THSD4: variants seen among roughly 807,000 people sequenced by gnomAD.
The protein encoded by THSD4 is thrombospondin type 1 domain containing 4.
In THSD4, 69 loss-of-function variants were observed where a neutral mutation model predicts 119.0. That is an observed-to-expected ratio of 0.58 (90% CI 0.48 to 0.71). The LOEUF is 0.71. THSD4 is among the 30% of genes least tolerant of loss of function. THSD4 has a pLI of 0.00. For synonymous variants in THSD4, 524 were observed against 540.4 expected, an observed-to-expected ratio of 0.97 and a Z score of 0.42; for missense variants, 1,393 against 1,391.1, an observed-to-expected ratio of 1.00 and a Z score of -0.02.
chr15:71,168,043 A>G (rs1188739040), intron 3 of THSD4, among the ~76,000 whole-genome samples: 1 of 152,258 alleles, frequency 6.6e-6, no homozygotes, highest in African/African-American at 2.4e-5. Flanking sequence ...AGTCGTCCTC[A>G]TGTTCCTGCA....
Position 71,181,279 on chromosome 15 carries a change from T to C in THSD4, c.99+26347T>C, listed in dbSNP as rs368338666. 3.9e-5 allele frequency among the ~76,000 whole-genome samples: 6 copies of C among 152,312 alleles called. No individual in the cohort carries two copies. In the East Asian group the frequency reaches 1.2e-3, roughly 29 times the overall value. Reference sequence around the variant, plus strand: ...AAAATAAACTGGAGTAAAGAGACCTTATTAAGAAAAGAATTTCAGTGTTCA... The same window carrying C: ...AAAATAAACTGGAGTAAAGAGACCTCATTAAGAAAAGAATTTCAGTGTTCA... On this transcript the variant is annotated intron_variant, in intron 3 of 17. Transcript: ENST00000261862.
intron 3 of THSD4, among the ~76,000 whole-genome samples, chr15:71,214,211 C>T (rs1451036702): frequency 8.8e-5 from 13 of 146,902 alleles, no homozygotes; most frequent in South Asian, 2.1e-4. Context: ...AGGATGTGGG[C>T]GGGGACAAAT....
intron 7 of THSD4, among the ~76,000 whole-genome samples, chr15:71,568,568 C>CTTTTTTTTT (rs61430926): frequency 7.3e-6 from 1 of 137,866 alleles, no homozygotes; most frequent in Non-Finnish European, 1.5e-5. Context: ...CTCTTTTTCT[C>CTTTTTTTTT]TTTTTTTTTT....
chr15:71,291,733 G>C (rs982319881), intron 6 of THSD4, among the ~76,000 whole-genome samples: 1 of 152,232 alleles, frequency 6.6e-6, no homozygotes, highest in African/African-American at 2.4e-5. Flanking sequence ...CTATGACCCA[G>C]TGAAGTTGAC....
intron 7 of THSD4, among the ~76,000 whole-genome samples, chr15:71,548,753 G>A (rs2048879657): frequency 6.6e-6 from 1 of 152,170 alleles, no homozygotes; most frequent in Admixed American, 6.5e-5. Context: ...TTTCCCTGTT[G>A]ATTTTTTTCG....
At chr15:71,130,564 T>C (rs2040494157) in intron 1 of THSD4, among the ~76,000 whole-genome samples, 1 of 152,174 alleles carries the variant, frequency 6.6e-6, no homozygotes, top group Non-Finnish European at 1.5e-5. Flanking sequence ...ATCGTGCTGC[T>C]GCCACTTACT....
At chr15:71,169,411 G>A (rs889207772) in intron 3 of THSD4, among the ~76,000 whole-genome samples, 5 of 152,158 alleles carry the variant, frequency 3.3e-5, no homozygotes, top group African/African-American at 1.2e-4. Context: ...TCTGGCTACT[G>A]TATTCCTAGG....
intron 1 of THSD4, among the ~76,000 whole-genome samples, chr15:71,119,681 A>G (rs2040392776): frequency 6.6e-6 from 1 of 152,180 alleles, no homozygotes. Context: ...TCAGGGAGAA[A>G]GACCAGGGTG....
intron 10 of THSD4, among the ~76,000 whole-genome samples, chr15:71,735,493 GCTCTCTGTCTGTCC>G (rs2053067728): frequency 6.8e-6 from 1 of 146,016 alleles, no homozygotes. Flanking sequence ...TCTCTGTCTT[GCTCTCTGTCTGTCC>G]CTCTCTGTCT....
At chr15:71,547,551 C>G in intron 7 of THSD4, 24 of 1,512,268 alleles carry the variant, frequency 1.6e-5, no homozygotes, top group Non-Finnish European at 2.1e-5. Flanking sequence ...TTCTATCTAC[C>G]AAGAGGGATC....
At chr15:71,341,677 C>T (rs754422221) in intron 6 of THSD4, 21 of 1,454,388 alleles carry the variant, frequency 1.4e-5, no homozygotes, top group African/African-American at 8.4e-5. Flanking sequence ...TGCCTGATTT[C>T]GTGGGGTTCT....
chr15:71,747,191 C>T, intron 13 of THSD4, 149 bp downstream of exon 13: 1 of 866,236 alleles, frequency 1.2e-6, no homozygotes, highest in East Asian at 2.7e-5. Flanking sequence ...TTTTTGCAAA[C>T]CACAGGATGT....
chr15:71,135,975 T>G (rs1232073415), intron 1 of THSD4, among the ~76,000 whole-genome samples: 1 of 149,038 alleles, frequency 6.7e-6, no homozygotes, highest in Non-Finnish European at 1.5e-5. Flanking sequence ...AGTCCTTTGG[T>G]TTTTTGTTTA....
intron 6 of THSD4, among the ~76,000 whole-genome samples, chr15:71,299,049 C>T (rs917102293): frequency 3.9e-5 from 6 of 152,294 alleles, no homozygotes; most frequent in South Asian, 2.1e-4. Flanking sequence ...TAGTCTGAGT[C>T]GCCTTTATCT....
At chr15:71,466,893 A>G (rs1398226663) in intron 7 of THSD4, among the ~76,000 whole-genome samples, 2 of 152,168 alleles carry the variant, frequency 1.3e-5, no homozygotes, top group Non-Finnish European at 2.9e-5. Context: ...TCTGGGGCAA[A>G]TGCCTCAAGG....
At chr15:71,326,690 AAAAAAAAAAAAT>A (rs1180026005) in intron 6 of THSD4, among the ~76,000 whole-genome samples, 43 of 15,022 alleles carry the variant, frequency 2.9e-3, no homozygotes, top group African/African-American at 6.1e-3. Flanking sequence ...AAAAAAAAAA[AAAAAAAAAAAAT>A]ATATATATAT....
At chr15:71,362,791 CAT>C (rs1283034848) in intron 6 of THSD4, among the ~76,000 whole-genome samples, 2 of 152,196 alleles carry the variant, frequency 1.3e-5, no homozygotes, top group African/African-American at 4.8e-5. Context: ...TCCCTCCACA[CAT>C]ATGGAGATCC....
chr15:71,442,094 G>GA (rs1010276110), intron 7 of THSD4, among the ~76,000 whole-genome samples: 1 of 152,116 alleles, frequency 6.6e-6, no homozygotes, highest in Non-Finnish European at 1.5e-5. Flanking sequence ...GAGTAGTGGG[G>GA]ACTACAGGCA....
chr15:71,489,641 A>T (rs2047882482), intron 7 of THSD4, among the ~76,000 whole-genome samples: 1 of 152,064 alleles, frequency 6.6e-6, no homozygotes, highest in African/African-American at 2.4e-5. Flanking sequence ...CTCTGGAGAA[A>T]ATTTGTTTTC....
Sources: gnomAD v4.1 joint callset for allele counts (sites outside exome capture counted in the v4.1 genomes callset) on GRCh38, gnomAD v4.1.1 for gene constraint, MANE v1.5 for transcripts, NCBI Gene and HGNC (gene_info 2026-07-23, HGNC 2026-07-21) for gene names.